Variants in PPP3R1 observed in about 807,000 individuals in gnomAD.
PPP3R1 encodes protein phosphatase 3 regulatory subunit B, alpha.
A neutral mutation model predicts 22.6 loss-of-function variants in PPP3R1; 5 were observed. That is an observed-to-expected ratio of 0.22 (90% confidence interval 0.12 to 0.46). PPP3R1 has a LOEUF of 0.46. Ranked by LOEUF, PPP3R1 falls within the 20% of genes least tolerant of loss-of-function variation. The probability of loss-of-function intolerance (pLI) is 0.99; values close to 1 mark genes in which losing one functional copy is unlikely to be tolerated. For synonymous variants in PPP3R1, 56 were observed against 65.2 expected, an observed-to-expected ratio of 0.86 and a Z score of 0.68; for missense variants, 61 against 203.2, an observed-to-expected ratio of 0.30 and a Z score of 4.25.
chr2:68,206,342 C>G (rs1239616089), intron 2 of PPP3R1, among the ~76,000 whole-genome samples: 1 of 152,134 alleles, frequency 6.6e-6, no homozygotes, highest in Non-Finnish European at 1.5e-5. Context: ...AGGCCTGATA[C>G]TGAAGGAAAG....
chr2:68,231,761 G>T (rs1669905507), intron 1 of PPP3R1, among the ~76,000 whole-genome samples: 1 of 152,114 alleles, frequency 6.6e-6, no homozygotes, highest in Non-Finnish European at 1.5e-5. Flanking sequence ...GTAAAGTAGG[G>T]TGCTTCTGTT....
chr2:68,217,195 C>T (rs1669596319), intron 1 of PPP3R1, 64 bp from the exon 2 acceptor site: 1 of 1,182,864 alleles, frequency 8.5e-7, no homozygotes, highest in African/African-American at 1.5e-5. Flanking sequence ...AATATTAAAC[C>T]TAAATATTTT....
chr2:68,229,965 T>TACACACACACACACAC (rs1157191768), intron 1 of PPP3R1, among the ~76,000 whole-genome samples: 12 of 49,526 alleles, frequency 2.4e-4, no homozygotes, highest in South Asian at 1.9e-3. Flanking sequence ...TGTGTATATA[T>TACACACACACACACAC]ACACACATAC....
At chr2:68,230,291 C>A (rs1021480545) in intron 1 of PPP3R1, among the ~76,000 whole-genome samples, 3 of 152,114 alleles carry the variant, frequency 2.0e-5, no homozygotes, top group Admixed American at 6.5e-5. Flanking sequence ...CCATGCCCGG[C>A]CTTCATTTCT....
chr2:68,245,268 G>A (rs1054787672), intron 1 of PPP3R1, among the ~76,000 whole-genome samples: 8 of 152,122 alleles, frequency 5.3e-5, no homozygotes, highest in African/African-American at 1.9e-4. Context: ...AGGCTGAGGA[G>A]GGAGGATGGC....
intron 1 of PPP3R1, among the ~76,000 whole-genome samples, chr2:68,232,265 G>GTGTGTGTA (rs1259443865): frequency 3.9e-5 from 1 of 25,398 alleles, no homozygotes; most frequent in Non-Finnish European, 7.5e-5. Flanking sequence ...GTGTGTGTGT[G>GTGTGTGTA]TATATATATA....
At chr2:68,220,020 G>C (rs576003923) in intron 1 of PPP3R1, among the ~76,000 whole-genome samples, 2 of 151,058 alleles carry the variant, frequency 1.3e-5, no homozygotes, top group South Asian at 2.1e-4. Context: ...CACTTGACCA[G>C]TGTTAAAAAA....
At chr2:68,201,901 G>C (rs1457621480) in intron 2 of PPP3R1, among the ~76,000 whole-genome samples, 1 of 152,054 alleles carries the variant, frequency 6.6e-6, no homozygotes, top group East Asian at 1.9e-4. Flanking sequence ...GAGGCTTTTA[G>C]GGTTTTTTTA....
At chr2:68,239,186 C>T (rs11895998) in intron 1 of PPP3R1, among the ~76,000 whole-genome samples, 3,507 of 152,196 alleles carry the variant, frequency 0.023, 116 homozygotes, top group African/African-American at 0.075. Flanking sequence ...GTGAACTAAA[C>T]GGACAGTATA....
At position 68,180,329 on chromosome 2, in the gene PPP3R1, A is replaced by G. The variant is rs530007431; in HGVS notation, c.*634T>C. The G allele has an allele frequency of 9.2e-5, 14 of 152,772 alleles. No homozygotes were observed. In the South Asian group the frequency reaches 1.2e-3, roughly 14 times the overall value. 9.5% of individuals were successfully genotyped at this position (152,772 alleles called of 1,614,324 possible). On this transcript the variant is annotated 3_prime_UTR_variant, in exon 6 of 6. Transcript: ENST00000234310. ...TGAGAAGTAGTCCCTGGATATATTC[A>G]TAAGTATAAATAAAGTTACAGACTC...
intron 2 of PPP3R1, among the ~76,000 whole-genome samples, chr2:68,209,412 C>CAGATAAAT (rs1669426243): frequency 8.9e-6 from 1 of 112,824 alleles, no homozygotes; most frequent in Admixed American, 9.3e-5. Context: ...TACAAAATAG[C>CAGATAAAT]AGATAAATTA....
chr2:68,218,730 T>TGTG (rs67838025), intron 1 of PPP3R1, among the ~76,000 whole-genome samples: 1 of 44,706 alleles, frequency 2.2e-5, no homozygotes, highest in Non-Finnish European at 4.0e-5. Context: ...CACTGTGAGT[T>TGTG]TTTTTTTTTT....
chr2:68,215,419 T>C (rs138332298), intron 2 of PPP3R1, among the ~76,000 whole-genome samples: 16 of 152,120 alleles, frequency 1.1e-4, no homozygotes, highest in Non-Finnish European at 2.2e-4. Context: ...GGAAGCCGCA[T>C]AGTAAATTTG....
chr2:68,248,203 T>C (rs1282475489), intron 1 of PPP3R1, among the ~76,000 whole-genome samples: 3 of 152,192 alleles, frequency 2.0e-5, no homozygotes, highest in Non-Finnish European at 1.5e-5. Context: ...CCTTCCTCAC[T>C]GGCTAAATAC....
chr2:68,187,151 C>G, intron 4 of PPP3R1, 104 bp downstream of exon 4: 1 of 967,122 alleles, frequency 1.0e-6, no homozygotes, highest in Non-Finnish European at 1.5e-6. Flanking sequence ...GTCTAAGGAT[C>G]TGGAATAAAA....
At chr2:68,203,810 T>C (rs887689238) in intron 2 of PPP3R1, among the ~76,000 whole-genome samples, 1 of 152,172 alleles carries the variant, frequency 6.6e-6, no homozygotes, top group Non-Finnish European at 1.5e-5. Context: ...TGAAACTGTT[T>C]ACTAAAAACA....
intron 2 of PPP3R1, among the ~76,000 whole-genome samples, chr2:68,210,708 G>T (rs1669461547): frequency 6.6e-6 from 1 of 152,122 alleles, no homozygotes; most frequent in Non-Finnish European, 1.5e-5. Flanking sequence ...ATGAGCCTGG[G>T]TTGAACTTTT....
intron 2 of PPP3R1, among the ~76,000 whole-genome samples, chr2:68,214,414 T>C (rs1026306833): frequency 6.6e-6 from 1 of 152,006 alleles, no homozygotes; most frequent in Admixed American, 6.6e-5. Flanking sequence ...CCAGAATCTC[T>C]AAGGAACTTA....
intron 2 of PPP3R1, among the ~76,000 whole-genome samples, chr2:68,196,522 A>G (rs1387717653): frequency 6.6e-6 from 1 of 152,194 alleles, no homozygotes; most frequent in African/African-American, 2.4e-5. Flanking sequence ...TCATACATGT[A>G]TGTGTTGTAC....
Sources: gnomAD v4.1 joint callset for allele counts (sites outside exome capture counted in the v4.1 genomes callset) on GRCh38, gnomAD v4.1.1 for gene constraint, MANE v1.5 for transcripts, NCBI Gene and HGNC (gene_info 2026-07-23, HGNC 2026-07-21) for gene names.